Variants in GRIN3B observed in about 807,000 individuals in gnomAD.
GRIN3B encodes glutamate receptor ionotropic, NMDA 3B.
A neutral mutation model predicts 66.0 loss-of-function variants in GRIN3B; 77 were observed. That is an observed-to-expected ratio of 1.17 (90% CI 0.97 to 1.41). The LOEUF is 1.41. Ranked by LOEUF, GRIN3B falls within the 40% of genes most tolerant of loss-of-function variation. The probability of loss-of-function intolerance (pLI) is 0.00; values close to 1 mark genes in which losing one functional copy is unlikely to be tolerated. For synonymous variants in GRIN3B, 823 were observed against 749.7 expected (o/e 1.10, Z -1.60); for missense variants, 1,787 against 1,564.5 (o/e 1.14, Z -2.40).
chr19:1,005,784 GA>G lies in GRIN3B; in HGVS notation c.2052+233del, dbSNP rs2038742625. On this transcript the variant is annotated intron_variant, in intron 3 of 8. Transcript: ENST00000234389. This position sits in a 1 kb window ranked among gnomAD's most constrained non-coding sequence, Gnocchi z 5.2. ...GGAGACCAAGGCAGGCAGATCACCT[GA>G]AGTCAGGAGTCTCGAACTGGAGCCT... Among the ~76,000 whole-genome samples, 1 of 152,156 alleles carries G rather than the reference GA, an allele frequency of 6.6e-6. No homozygotes were observed. The highest frequency in any genetic ancestry group is 2.1e-4 in the South Asian group (1 of 4,820).
chr19:1,008,848 G>T lies in GRIN3B; in HGVS notation c.2632-9G>T, dbSNP rs1384508332. 1.9e-6 allele frequency: 3 copies of T among 1,605,716 alleles called. No homozygotes were observed. In the African/African-American group the frequency reaches 4.0e-5, roughly 21 times the overall value. On this transcript the variant is annotated splice_polypyrimidine_tract_variant and intron_variant, in intron 7 of 8. Transcript: ENST00000234389. Reference sequence around the variant, plus strand: ...CCTCCTCGCCAACCGGGTCTGTCTGGGGTCTTAGAAAATCCACCGCGCCCT... The same window carrying T: ...CCTCCTCGCCAACCGGGTCTGTCTGTGGTCTTAGAAAATCCACCGCGCCCT...
chr19:1,003,349 C>A lies in GRIN3B; in HGVS notation c.646C>A (p.Arg216=), dbSNP rs186778870. The A allele has an allele frequency of 2.5e-6, 4 of 1,578,616 alleles. No homozygotes were observed. Among genetic ancestry groups the A allele is most frequent in the South Asian group, 1.2e-5 (1 of 86,724 alleles). Residue 216 remains arginine (R), a synonymous_variant, in exon 2 of 9, where the codon CGG becomes AGG. Transcript: ENST00000234389. ...SRRDTGDAGL[R]ARLAPMAAPV... is the part of the protein sequence containing the mutation. Reference sequence around the variant, plus strand: ...GCGGGACACGGGAGATGCAGGACTGCGGGCACGCCTGGCCCCGATGGCGGC... The same window carrying A: ...GCGGGACACGGGAGATGCAGGACTGAGGGCACGCCTGGCCCCGATGGCGGC...
rs10666583 is a variant in GRIN3B at position 1,004,897 on chromosome 19, G to GTT, written c.1396_1397insTT (p.Gly466ValfsTer182). ...CGCACTGTTCGCCGCGCTGGCCAAC[G>GTT]GCTCAGCGCCCCGTGCCCTGCGCAA... On this transcript the variant is annotated frameshift_variant, in exon 3 of 9. Transcript: ENST00000234389. LOFTEE classifies it high-confidence loss of function. 4.3e-6 allele frequency: 7 copies of GTT among 1,610,550 alleles called. No homozygotes were observed. The highest frequency in any genetic ancestry group is 5.9e-6 in the Non-Finnish European group (7 of 1,178,526).
chr19:1,009,089 C>A (rs1008256674), intron 8 of GRIN3B, 84 bp from the exon 9 acceptor site: 1 of 1,447,114 alleles, frequency 6.9e-7, no homozygotes, highest in South Asian at 1.4e-5. Context: ...GTCGGCCATC[C>A]TCTGCCGTCA....
In GRIN3B at chr19:1,009,482, C is replaced by T. The variant is rs754582044; in HGVS notation, c.3012C>T (p.Arg1004=). 2 of 1,490,344 alleles carry T rather than the reference C, an allele frequency of 1.3e-6. No homozygotes were observed. The highest frequency in any genetic ancestry group is 2.7e-5 in the East Asian group (1 of 36,448). The allele number at this position is 1,490,344 out of a possible 1,614,324, so 92.3% of individuals were successfully genotyped here. A position where few individuals can be genotyped will look rare whatever the true frequency, so the allele number is the denominator to read the frequency against. ...RERLRQALVR[R]GQLLAQLGDS... The stretch of plus-strand genomic sequence containing the variant: ...GGCTCCGCCAGGCCCTGGTGCGGCG[C>T]GGCCAGCTCCTGGCACAGCTCGGGG... The change falls in exon 9 of 9, where the codon CGC becomes CGT. Residue 1004 remains arginine (R), a synonymous_variant. Coordinates refer to ENST00000234389, the MANE Select transcript of GRIN3B (RefSeq NM_138690.3).
chr19:1,008,544 T>C lies in GRIN3B; in HGVS notation c.2467-74T>C, dbSNP rs1599462294. On this transcript the variant is annotated intron_variant, in intron 6 of 8. Coordinates refer to ENST00000234389, the MANE Select transcript of GRIN3B (RefSeq NM_138690.3). Reference sequence around the variant, plus strand: ...AGCCCCTCTCTCTGGCCCAACCTGTTCTCCCCTAGTTCAAGGCTCCCCAGG... The same window carrying C: ...AGCCCCTCTCTCTGGCCCAACCTGTCCTCCCCTAGTTCAAGGCTCCCCAGG... 6.6e-6 allele frequency: 10 copies of C among 1,518,438 alleles called. No homozygotes were observed. The East Asian group carries it at 2.3e-4, about 34-fold the overall frequency. The allele number at this position is 1,518,438 out of a possible 1,614,324, so 94.1% of individuals were successfully genotyped here.
Position 1,007,967 on chromosome 19 carries a change from T to G in GRIN3B, c.2310T>G (p.Ile770Met), listed in dbSNP as rs778778005. ...KLLTVGKPFA[I>M]EGYGIGLPQN... ...TGACCGTGGGAAAGCCCTTCGCCAT[T>G]GAGGGTGAGAGGCACCTGGGCGAGG... Residue 770 changes from isoleucine to methionine, a missense_variant, in exon 5 of 9, where the codon ATT (isoleucine) becomes ATG (methionine). By Grantham distance (10) the Ile-to-Met change is conservative (BLOSUM62 1). Transcript: ENST00000234389. The surrounding 1 kb of genome is among the most constrained non-coding windows in gnomAD (Gnocchi z 4.4). 2 of 1,611,594 alleles carry G rather than the reference T, an allele frequency of 1.2e-6. No homozygotes were observed. The highest frequency in any genetic ancestry group is 3.3e-5 in the Admixed American group (2 of 59,990).
At position 1,004,700 on chromosome 19, in the gene GRIN3B, G is replaced by T; in HGVS notation, c.1199G>T (p.Gly400Val). 6.2e-7 allele frequency: 1 copy of T among 1,604,102 alleles called. No homozygotes were observed. Among genetic ancestry groups the T allele is most frequent in the Non-Finnish European group, 8.5e-7 (1 of 1,174,900 alleles). ...RDGQLDLEPG[G>V]ASARPPPPQG... Reference sequence around the variant, plus strand: ...GGCCAGCTGGACTTGGAACCGGGAGGTGCCTCTGCACGGCCCCCGCCCCCA... The same window carrying T: ...GGCCAGCTGGACTTGGAACCGGGAGTTGCCTCTGCACGGCCCCCGCCCCCA... Residue 400 changes from glycine to valine, a missense_variant, in exon 3 of 9, where the codon GGT becomes GTT. Coordinates refer to ENST00000234389, the MANE Select transcript of GRIN3B (RefSeq NM_138690.3).
At chr19:1,004,270 G>A (rs2038715287) in intron 2 of GRIN3B, among the ~76,000 whole-genome samples, 1 of 152,176 alleles carries the variant, frequency 6.6e-6, no homozygotes, top group South Asian at 2.1e-4. Flanking sequence ...GACCCCAGCT[G>A]GGTGCTTGTG....
chr19:1,009,497 A>G lies in GRIN3B; in HGVS notation c.3027A>G (p.Ala1009=). ...TGGTGCGGCGCGGCCAGCTCCTGGC[A>G]CAGCTCGGGGACAGCGCACGTCACC... The part of the protein sequence containing the change: ...QALVRRGQLL[A]QLGDSARHRP... The change falls in exon 9 of 9, where the codon GCA becomes GCG. Residue 1009 remains alanine, a synonymous_variant. Transcript: ENST00000234389. 6.7e-7 allele frequency: 1 copy of G among 1,495,308 alleles called. No homozygotes were observed. The allele number at this position is 1,495,308 out of a possible 1,614,324, so 92.6% of individuals were successfully genotyped here. A position where few individuals can be genotyped will look rare whatever the true frequency, so the allele number is the denominator to read the frequency against.
chr19:1,003,079 T>G, intron 1 of GRIN3B, 51 bp from the exon 2 acceptor site: 4 of 1,291,396 alleles, frequency 3.1e-6, no homozygotes, highest in South Asian at 1.7e-5. Flanking sequence ...GTGGGAAGGG[T>G]TTTGTGGGGG....
In GRIN3B at chr19:1,005,280, C is replaced by G; in HGVS notation, c.1779C>G (p.Thr593=). 6.2e-7 allele frequency: 1 copy of G among 1,613,592 alleles called. No homozygotes were observed. Among genetic ancestry groups the G allele is most frequent in the Non-Finnish European group, 8.5e-7 (1 of 1,179,992 alleles). The change falls in exon 3 of 9, where the codon ACC becomes ACG. Residue 593 remains threonine, a synonymous_variant. Transcript: ENST00000234389. The surrounding 1 kb of genome is among the most constrained non-coding windows in gnomAD (Gnocchi z 5.2). ...TGCACCTCACCGCGCTCTTCCTCAC[C>G]GTGTACGAGTGGCGTAGCCCCTACG... The part of the protein sequence containing the change: ...AALHLTALFL[T]VYEWRSPYGL...
chr19:1,006,724 C>T (rs72971685), intron 3 of GRIN3B, among the ~76,000 whole-genome samples: 4,196 of 152,322 alleles, frequency 0.028, 93 homozygotes, highest in East Asian at 0.086. Flanking sequence ...CTGGTGTCCC[C>T]TGTGAAACGG....
rs958381140 is a variant in GRIN3B at position 1,009,513 on chromosome 19, G to T, written c.3043G>T (p.Ala1015Ser). Reference protein sequence around the residue: ...GQLLAQLGDSARHRPRRLLQA... With the variant: ...GQLLAQLGDSSRHRPRRLLQA... ...GCTCCTGGCACAGCTCGGGGACAGC[G>T]CACGTCACCGGCCTCGGCGCTTGCT... Residue 1015 changes from alanine (A) to serine (S), a missense_variant, in exon 9 of 9, where the codon GCA becomes TCA. Physicochemically the swap from Ala to Ser is moderately conservative, Grantham distance 99. Transcript: ENST00000234389. The T allele has an allele frequency of 6.7e-7, 1 of 1,492,562 alleles. No individual in the cohort carries two copies. Among genetic ancestry groups the T allele is most frequent in the Admixed American group, 2.2e-5 (1 of 46,098 alleles). The allele number at this position is 1,492,562 out of a possible 1,614,324, so 92.5% of individuals were successfully genotyped here.
chr19:1,009,062 G>T (rs1334524515), intron 8 of GRIN3B, 111 bp from the exon 9 acceptor site: 2 of 1,450,942 alleles, frequency 1.4e-6, no homozygotes, highest in Non-Finnish European at 1.8e-6. Flanking sequence ...GCACACCGTG[G>T]CTCCCTGGTT....
chr19:1,003,902 C>T (rs754860264), intron 2 of GRIN3B, among the ~76,000 whole-genome samples, 180 bp downstream of exon 2: 19 of 152,254 alleles, frequency 1.2e-4, no homozygotes, highest in Non-Finnish European at 2.4e-4. Flanking sequence ...GCCCGGCCAA[C>T]ATGGTGAAAC....
Position 1,009,193 on chromosome 19 carries a change from AGC to A in GRIN3B, c.2724_2725del (p.Gln909AlafsTer86). ...CCCAGCGGCCCCGAGGTGGAGCAGC[AGC>A]AGCAGCAGCAGGACCAGCCAACGGC... is the stretch of plus-strand genomic sequence containing the variant. On this transcript the variant is annotated frameshift_variant, in exon 9 of 9. Transcript: ENST00000234389. LOFTEE classifies it low-confidence loss of function (END_TRUNC). 1.4e-6 allele frequency: 2 copies of A among 1,474,636 alleles called. No individual in the cohort carries two copies. The highest frequency in any genetic ancestry group is 1.3e-5 in the South Asian group (1 of 75,376). The allele number at this position is 1,474,636 out of a possible 1,614,324, so 91.3% of individuals were successfully genotyped here.
intron 2 of GRIN3B, among the ~76,000 whole-genome samples, chr19:1,004,202 G>A (rs917468499): frequency 1.3e-5 from 2 of 152,328 alleles, no homozygotes; most frequent in East Asian, 1.9e-4. Context: ...GGGAGGGAAC[G>A]GGTCTCTGGC....
chr19:1,000,887 G>A (rs1259746138), intron 1 of GRIN3B, 24 bp downstream of exon 1: 1 of 1,364,424 alleles, frequency 7.3e-7, no homozygotes, highest in African/African-American at 1.5e-5. Flanking sequence ...CCGGAGTCAG[G>A]ACGAGGGGGA....
Sources: gnomAD v4.1 joint callset for allele counts (sites outside exome capture counted in the v4.1 genomes callset) on GRCh38, gnomAD v4.1.1 for gene constraint, Gnocchi (gnomAD v3.1) non-coding constraint, MANE v1.5 for transcripts, NCBI Gene and HGNC (gene_info 2026-07-23, HGNC 2026-07-21) for gene names.